Variants in HAAO observed in about 807,000 individuals in gnomAD.
The protein encoded by HAAO is 3-hydroxyanthranilate oxygenase.
A neutral mutation model predicts 46.2 loss-of-function variants in HAAO; 49 were observed. The observed-to-expected ratio is 1.06, with a 90% CI of 0.84 to 1.34. The LOEUF (loss-of-function observed/expected upper bound fraction) is 1.34, where lower values mean the gene tolerates loss of function less well. HAAO is among the 40% of genes most tolerant of loss of function. HAAO has a pLI of 0.00. For synonymous variants in HAAO, 157 were observed against 145.2 expected, an observed-to-expected ratio of 1.08 and a Z score of -0.58; for missense variants, 408 against 364.5, an observed-to-expected ratio of 1.12 and a Z score of -0.97.
At chr2:42,768,203 G>A (rs755471200) in intron 7 of HAAO, among the ~76,000 whole-genome samples, 5 of 152,216 alleles carry the variant, frequency 3.3e-5, no homozygotes, top group Admixed American at 6.5e-5. Context: ...GTGCTCATGC[G>A]AAGGCATGCT....
At chr2:42,775,380 C>T (rs1462999131) in intron 4 of HAAO, among the ~76,000 whole-genome samples, 3 of 151,780 alleles carry the variant, frequency 2.0e-5, no homozygotes, top group Non-Finnish European at 4.4e-5. Context: ...GCCACTTTTG[C>T]TAGCCAGGCA....
In HAAO at chr2:42,792,507, C is replaced by A. The variant is rs151014776; in HGVS notation, c.30G>T (p.Trp10Cys). The A allele has an allele frequency of 1.9e-6, 3 of 1,593,388 alleles. No individual in the cohort carries two copies. Among genetic ancestry groups the A allele is most frequent in the Non-Finnish European group, 1.7e-6 (2 of 1,170,606 alleles). Residue 10 changes from tryptophan (W) to cysteine (C), a missense_variant, in exon 1 of 10, where the codon TGG (tryptophan) becomes TGT (cysteine). Trp to Cys is a radical substitution (Grantham distance 215). Coordinates refer to ENST00000294973, the MANE Select transcript of HAAO (RefSeq NM_012205.3). Reference protein sequence around the residue: MERRLGVRAWVKENRGSFQP... With the variant: MERRLGVRACVKENRGSFQP... ...GGAAGGAGCCCCGGTTCTCCTTCAC[C>A]CAGGCCCTCACTCCCAGGCGGCGCT...
intron 5 of HAAO, 53 bp from the exon 6 acceptor site, chr2:42,770,239 GC>G (rs1671006374): frequency 7.5e-6 from 11 of 1,471,892 alleles, no homozygotes; most frequent in Admixed American, 1.9e-5. Context: ...CATCGGAGTG[GC>G]CAGCGACACA....
intron 7 of HAAO, among the ~76,000 whole-genome samples, chr2:42,768,219 G>C (rs1670820309): frequency 6.6e-6 from 1 of 152,102 alleles, no homozygotes; most frequent in Non-Finnish European, 1.5e-5. Context: ...ATGCTCACCA[G>C]GGCACATGAG....
chr2:42,770,121 G>T, intron 6 of HAAO, 22 bp downstream of exon 6: 1 of 1,600,154 alleles, frequency 6.2e-7, no homozygotes, highest in Non-Finnish European at 8.5e-7. Flanking sequence ...GGAAGGAGAA[G>T]GGCAGTTCCC....
intron 4 of HAAO, among the ~76,000 whole-genome samples, chr2:42,775,597 T>C (rs1285398556): frequency 6.6e-6 from 1 of 152,118 alleles, no homozygotes; most frequent in Non-Finnish European, 1.5e-5. Context: ...ACCTTGTCTT[T>C]TTTTTTTGAG....
chr2:42,767,221 T>C lies in HAAO; in HGVS notation c.*216A>G, dbSNP rs547202822. The C allele has an allele frequency of 1.0e-4, 62 of 610,710 alleles. No individual in the cohort carries two copies. The South Asian group carries it at 1.1e-3, about 11-fold the overall frequency. 37.8% of individuals were successfully genotyped at this position (610,710 alleles called of 1,614,324 possible). A position where few individuals can be genotyped will look rare whatever the true frequency, so the allele number is the denominator to read the frequency against. ...TGGCAAGACTGGCAAGGCAGTGGGC[T>C]GAGTCTGCCAGAGAAGATGGGGAGC... On this transcript the variant is annotated 3_prime_UTR_variant, in exon 10 of 10. Coordinates refer to ENST00000294973, the MANE Select transcript of HAAO (RefSeq NM_012205.3).
rs1205260390 is a variant in HAAO at position 42,776,753 on chromosome 2, T to C, written c.351-6171A>G. ...GTTCAAGCAATTCTCTGCCTCAGCC[T>C]CCTGAATAGCTGGGATTGCAGGCGC... On this transcript the variant is annotated intron_variant, in intron 4 of 9. Transcript: ENST00000294973. Among the ~76,000 whole-genome samples, 4 of 150,738 alleles carry C rather than the reference T, an allele frequency of 2.7e-5. No homozygotes were observed. In the East Asian group the frequency reaches 8.0e-4, roughly 30 times the overall value.
At chr2:42,781,056 G>A (rs1342719786) in intron 4 of HAAO, among the ~76,000 whole-genome samples, 5 of 151,872 alleles carry the variant, frequency 3.3e-5, no homozygotes, top group South Asian at 2.1e-4. Flanking sequence ...CAGCCTGGGC[G>A]ACAGAGCAAG....
intron 2 of HAAO, among the ~76,000 whole-genome samples, chr2:42,787,530 G>C: frequency 6.6e-6 from 1 of 152,190 alleles, no homozygotes; most frequent in East Asian, 1.9e-4. Context: ...CCCCTGGAGC[G>C]TGAGAGGTGA....
chr2:42,771,752 C>G (rs1671143353), intron 4 of HAAO, among the ~76,000 whole-genome samples: 1 of 152,248 alleles, frequency 6.6e-6, no homozygotes, highest in Non-Finnish European at 1.5e-5. Flanking sequence ...ATGCCTAATG[C>G]CCAAGCCCAG....
chr2:42,767,945 C>G lies in HAAO; in HGVS notation c.631-17G>C. 3.1e-6 allele frequency: 5 copies of G among 1,611,218 alleles called. No individual in the cohort carries two copies. The highest frequency in any genetic ancestry group is 4.2e-6 in the Non-Finnish European group (5 of 1,177,534). ...GGCGATCACCTGGTGGGAGGTGAAA[C>G]AGAAACTTCTGGTGCTTCTTGCCCC... On this transcript the variant is annotated splice_polypyrimidine_tract_variant and intron_variant, in intron 7 of 9. Transcript: ENST00000294973.
At chr2:42,782,146 T>G (rs186697349) in intron 4 of HAAO, among the ~76,000 whole-genome samples, 68 of 152,344 alleles carry the variant, frequency 4.5e-4, no homozygotes, top group South Asian at 1.4e-3. Context: ...TTACTTCTTT[T>G]TTTGTTTGTT....
rs767247190 is a variant in HAAO at position 42,783,848 on chromosome 2, C to A, written c.179G>T (p.Gly60Val). The A allele has an allele frequency of 6.2e-7, 1 of 1,611,706 alleles. No homozygotes were observed. Among genetic ancestry groups the A allele is most frequent in the Non-Finnish European group, 8.5e-7 (1 of 1,179,010 alleles). The part of the protein sequence containing the change: ...EGEEVFYQLE[G>V]DMVLRVLEQG... ...CTCCAGGACTCGGAGAACCATGTCT[C>A]CCTCCAGCTGGTAAAATACCTGTGG... Residue 60 changes from glycine to valine, a missense_variant, in exon 3 of 10, where the codon GGA becomes GTA. By Grantham distance (109) the Gly-to-Val change is moderately radical. Coordinates refer to ENST00000294973, the MANE Select transcript of HAAO (RefSeq NM_012205.3).
At chr2:42,772,507 A>C (rs1402730080) in intron 4 of HAAO, among the ~76,000 whole-genome samples, 8 of 151,428 alleles carry the variant, frequency 5.3e-5, no homozygotes, top group Admixed American at 4.6e-4. Context: ...AATACTCATG[A>C]GTTTCTTTTA....
chr2:42,777,719 T>C (rs1671691843), intron 4 of HAAO, among the ~76,000 whole-genome samples: 1 of 152,058 alleles, frequency 6.6e-6, no homozygotes, highest in African/African-American at 2.4e-5. Flanking sequence ...AAACTTGTCA[T>C]AATTTAGAAT....
intron 2 of HAAO, among the ~76,000 whole-genome samples, chr2:42,788,121 C>T (rs756886249): frequency 8.5e-5 from 13 of 152,212 alleles, no homozygotes; most frequent in South Asian, 2.1e-4. Context: ...CCCTCACCCA[C>T]GGTGTTTTTG....
chr2:42,784,302 A>AAC (rs1672232177), intron 2 of HAAO, among the ~76,000 whole-genome samples: 1 of 151,918 alleles, frequency 6.6e-6, no homozygotes, highest in African/African-American at 2.4e-5. Context: ...AGAAAGAAAA[A>AAC]CAAGGCTCAG....
In HAAO at chr2:42,767,477, G is replaced by T; in HGVS notation, c.821C>A (p.Ser274Tyr). 6.2e-7 allele frequency: 1 copy of T among 1,613,404 alleles called. No homozygotes were observed. Among genetic ancestry groups the T allele is most frequent in the Non-Finnish European group, 8.5e-7 (1 of 1,179,724 alleles). Residue 274 changes from serine to tyrosine, a missense_variant, in exon 10 of 10, where the codon TCT (serine) becomes TAT (tyrosine). By Grantham distance (144) the Ser-to-Tyr change is moderately radical. Coordinates refer to ENST00000294973, the MANE Select transcript of HAAO (RefSeq NM_012205.3). The stretch of plus-strand genomic sequence containing the variant: ...CTTGCAGGCAGGGTCCTGGGTCACA[G>T]ACAGGGCCACAGAGCCTTGTGTTCG... Reference protein sequence around the residue: ...WERTQGSVALSVTQDPACKKP... With the variant: ...WERTQGSVALYVTQDPACKKP...
Sources: allele counts gnomAD v4.1 joint callset (sites outside exome capture counted in the v4.1 genomes callset), GRCh38; gene constraint gnomAD v4.1.1; transcripts MANE v1.5; gene names NCBI Gene and HGNC (gene_info 2026-07-23, HGNC 2026-07-21).